Variants in ADAMTSL1 observed in about 807,000 individuals in gnomAD.
The protein encoded by ADAMTSL1 is ADAMTS-like protein 1.
In ADAMTSL1, 126 loss-of-function variants were observed where a neutral mutation model predicts 201.8. That is an observed-to-expected ratio of 0.62 (90% CI 0.54 to 0.72). ADAMTSL1 has a LOEUF of 0.72. Among genes scored for constraint, ADAMTSL1 ranks in the 30% least tolerant of loss-of-function variants. The probability of loss-of-function intolerance (pLI) is 0.00; values close to 1 mark genes in which losing one functional copy is unlikely to be tolerated. For synonymous variants in ADAMTSL1, 1,121 were observed against 903.4 expected, an observed-to-expected ratio of 1.24 and a Z score of -4.32; for missense variants, 2,679 against 2,277.8, an observed-to-expected ratio of 1.18 and a Z score of -3.59.
chr9:17,917,741 A>C (rs1826153208), intron 1 of ADAMTSL1, among the ~76,000 whole-genome samples: 1 of 151,932 alleles, frequency 6.6e-6, no homozygotes, highest in Non-Finnish European at 1.5e-5. Context: ...ACTTTCTGCA[A>C]TCTCTATATG....
chr9:18,786,608 A>G (rs1000442065), intron 19 of ADAMTSL1, among the ~76,000 whole-genome samples: 2 of 152,176 alleles, frequency 1.3e-5, no homozygotes, highest in Admixed American at 6.5e-5. Context: ...ATCCAAAATC[A>G]TTGTCATTTA....
intron 1 of ADAMTSL1, among the ~76,000 whole-genome samples, chr9:17,925,598 C>T (rs536986732): frequency 0.021 from 2,539 of 123,384 alleles, 101 homozygotes; most frequent in African/African-American, 0.069. Flanking sequence ...AGTAAACTAT[C>T]GCAAGAACAA....
chr9:18,594,819 T>G (rs968585976), intron 4 of ADAMTSL1, among the ~76,000 whole-genome samples: 5 of 152,184 alleles, frequency 3.3e-5, no homozygotes, highest in Admixed American at 2.6e-4. Flanking sequence ...TCTGGCGTCT[T>G]GTCTGTTTGG....
intron 1 of ADAMTSL1, among the ~76,000 whole-genome samples, chr9:18,110,645 T>C (rs1824966354): frequency 6.6e-6 from 1 of 152,192 alleles, no homozygotes; most frequent in Non-Finnish European, 1.5e-5. Context: ...TCTTCTTTTC[T>C]TGGTGACTAC....
intron 2 of ADAMTSL1, among the ~76,000 whole-genome samples, chr9:18,223,635 C>T (rs766302458): frequency 1.6e-4 from 25 of 152,034 alleles, no homozygotes; most frequent in Non-Finnish European, 3.2e-4. Flanking sequence ...CTAATAATAT[C>T]TTACTACTTC....
At position 18,624,071 on chromosome 9, in the gene ADAMTSL1, G is replaced by A. The variant is rs73433551; in HGVS notation, c.601+1702G>A. The stretch of plus-strand genomic sequence containing the variant: ...ATTAGCCTCGAGGTAAAAAGAGGAG[G>A]CAGAAACAAAGAATGGGGACTTACA... On this transcript the variant is annotated intron_variant, in intron 5 of 28. Coordinates refer to ENST00000380548, the MANE Select transcript of ADAMTSL1 (RefSeq NM_001040272.6). Among the ~76,000 whole-genome samples the A allele has an allele frequency of 8.7e-3, 1,325 of 152,250 alleles. 17 individuals carry two copies. The highest frequency in any genetic ancestry group is 0.027 in the African/African-American group (1,119 of 41,548).
intron 2 of ADAMTSL1, among the ~76,000 whole-genome samples, chr9:18,434,549 G>A (rs928129206): frequency 2.0e-5 from 3 of 152,164 alleles, no homozygotes; most frequent in South Asian, 4.1e-4. Flanking sequence ...ATGTTCAAGA[G>A]TAATAAAGAT....
chr9:18,525,456 G>C (rs1248024725), intron 2 of ADAMTSL1, among the ~76,000 whole-genome samples: 2 of 152,162 alleles, frequency 1.3e-5, no homozygotes, highest in Non-Finnish European at 2.9e-5. Flanking sequence ...ATTCTGCTCT[G>C]ATCTTAGTAG....
chr9:17,929,650 A>G (rs1826699268), intron 1 of ADAMTSL1, among the ~76,000 whole-genome samples: 1 of 151,844 alleles, frequency 6.6e-6, no homozygotes, highest in African/African-American at 2.4e-5. Context: ...ACTTTGCACA[A>G]TTTGTTTTCT....
chr9:18,797,104 A>C (rs1170748673), intron 20 of ADAMTSL1, among the ~76,000 whole-genome samples: 1 of 152,194 alleles, frequency 6.6e-6, no homozygotes, highest in African/African-American at 2.4e-5. Context: ...ACAAGTTCAA[A>C]GCCAGGGAAG....
chr9:18,713,078 C>G (rs1313643475), intron 14 of ADAMTSL1, among the ~76,000 whole-genome samples: 2 of 151,220 alleles, frequency 1.3e-5, no homozygotes, highest in Admixed American at 6.6e-5. Context: ...CAGGCCTGCC[C>G]TAAAAGAGCT....
chr9:18,418,084 T>C (rs1275513753), intron 2 of ADAMTSL1, among the ~76,000 whole-genome samples: 1 of 152,144 alleles, frequency 6.6e-6, no homozygotes, highest in Non-Finnish European at 1.5e-5. Context: ...CACTTGATAG[T>C]GTAAAGAAGA....
chr9:17,927,391 C>T (rs7847635), intron 1 of ADAMTSL1, among the ~76,000 whole-genome samples: 148,167 of 152,168 alleles, frequency 0.97, 72,177 homozygotes, highest in East Asian at 1. Flanking sequence ...CACACATATA[C>T]GTACATATAT....
intron 13 of ADAMTSL1, 55 bp downstream of exon 13, chr9:18,684,855 A>G (rs1220761078): frequency 6.4e-7 from 1 of 1,554,896 alleles, no homozygotes; most frequent in Non-Finnish European, 8.7e-7. Context: ...GTTTAAAGAA[A>G]GCAGTGTCTC....
intron 2 of ADAMTSL1, among the ~76,000 whole-genome samples, chr9:18,387,045 C>T (rs377082524): frequency 5.9e-5 from 9 of 151,628 alleles, no homozygotes; most frequent in African/African-American, 1.7e-4. Context: ...GGGATGTTCA[C>T]GAAATATTGT....
At chr9:18,012,211 G>A (rs973577161) in intron 1 of ADAMTSL1, among the ~76,000 whole-genome samples, 1 of 152,030 alleles carries the variant, frequency 6.6e-6, no homozygotes, top group Non-Finnish European at 1.5e-5. Context: ...CCAGTCAGAA[G>A]AGTAGCTTTG....
At chr9:18,782,220 G>A (rs139128925) in intron 19 of ADAMTSL1, among the ~76,000 whole-genome samples, 1 of 152,328 alleles carries the variant, frequency 6.6e-6, no homozygotes, top group African/African-American at 2.4e-5. Context: ...AGTAAATGCA[G>A]TATTATAAGT....
intron 2 of ADAMTSL1, among the ~76,000 whole-genome samples, chr9:18,228,784 C>T (rs181388702): frequency 1.9e-4 from 29 of 151,450 alleles, no homozygotes; most frequent in Admixed American, 1.4e-3. Flanking sequence ...TTTCCTGAAA[C>T]GTGTGTGATA....
chr9:18,847,623 AATGTGTGCTCTTG>A (rs141856451), intron 23 of ADAMTSL1, among the ~76,000 whole-genome samples: 2,382 of 152,300 alleles, frequency 0.016, 54 homozygotes, highest in African/African-American at 0.052. Flanking sequence ...CAAAGACATG[AATGTGTGCTCTTG>A]AGCCTTCACA....
Sources: allele counts gnomAD v4.1 joint callset (sites outside exome capture counted in the v4.1 genomes callset), GRCh38; gene constraint gnomAD v4.1.1; transcripts MANE v1.5; gene names NCBI Gene and HGNC (gene_info 2026-07-23, HGNC 2026-07-21).